The following PCDH7 variants were observed in gnomAD, a reference collection of about 807,000 sequenced individuals.
PCDH7 encodes protocadherin-7.
A neutral mutation model predicts 58.9 loss-of-function variants in PCDH7; 17 were observed. The ratio of observed to expected loss-of-function variants is 0.29; its 90% confidence interval spans 0.20 to 0.43. The LOEUF is 0.43. PCDH7 is among the 20% of genes least tolerant of loss of function. PCDH7 has a pLI of 1.00. For synonymous variants in PCDH7, 664 were observed against 616.4 expected, an observed-to-expected ratio of 1.08 and a Z score of -1.14; for missense variants, 1,274 against 1,441.0, an observed-to-expected ratio of 0.88 and a Z score of 1.88.
At position 30,779,567 on chromosome 4, in the gene PCDH7, A is replaced by G. The variant is rs187556284; in HGVS notation, c.70+54971A>G. ...TATTCAACTTAGAAATTCACGTATTATCAACCAAAGGGATCATATAGAATC... is the reference window on the plus strand; with the variant it reads ...TATTCAACTTAGAAATTCACGTATTGTCAACCAAAGGGATCATATAGAATC... On this transcript the variant is annotated intron_variant, in intron 1 of 3. Coordinates refer to the PCDH7 transcript ENST00000509759. Among the ~76,000 whole-genome samples the G allele has an allele frequency of 3.0e-4, 46 of 152,354 alleles. 1 individual carries two copies. The highest frequency in any genetic ancestry group is 2.9e-3 in the Admixed American group (45 of 15,304).
intron 2 of PCDH7, among the ~76,000 whole-genome samples, chr4:30,945,948 C>T (rs1023187175): frequency 2.0e-5 from 3 of 152,082 alleles, no homozygotes; most frequent in Non-Finnish European, 4.4e-5. Flanking sequence ...TATTAAAATG[C>T]CCTTTTTGAC....
At chr4:30,919,414 A>G (rs1742898425) in intron 1 of PCDH7, among the ~76,000 whole-genome samples, 1 of 152,172 alleles carries the variant, frequency 6.6e-6, no homozygotes, top group South Asian at 2.1e-4. Context: ...GGATAGTTTC[A>G]TAAAATTTTT....
chr4:31,112,363 T>C (rs995142087), intron 3 of PCDH7, among the ~76,000 whole-genome samples: 1 of 152,188 alleles, frequency 6.6e-6, no homozygotes, highest in African/African-American at 2.4e-5. Flanking sequence ...ATTCATTCAG[T>C]GGAGGTAGGA....
Position 30,995,169 on chromosome 4 carries a change from C to A in PCDH7, c.*7+44954C>A, listed in dbSNP as rs1378839060. ...ATGTGGGATTTACATTATATTTCTT[C>A]TATTGGTCGACATTGGTGCTGACAG... On this transcript the variant is annotated intron_variant, in intron 3 of 3. Transcript: ENST00000509759. Among the ~76,000 whole-genome samples, 8 of 152,178 alleles carry A rather than the reference C, an allele frequency of 5.3e-5. No homozygotes were observed. The East Asian group carries it at 1.4e-3, about 26-fold the overall frequency.
At chr4:30,775,726 A>G (rs1156581390) in intron 1 of PCDH7, among the ~76,000 whole-genome samples, 21 of 152,028 alleles carry the variant, frequency 1.4e-4, no homozygotes, top group Non-Finnish European at 8.8e-5. Flanking sequence ...GTGAAACCCC[A>G]TCTCTACTAA....
At chr4:31,127,506 T>G (rs1472214947) in intron 3 of PCDH7, among the ~76,000 whole-genome samples, 2 of 152,176 alleles carry the variant, frequency 1.3e-5, no homozygotes, top group Non-Finnish European at 2.9e-5. Flanking sequence ...TTAAAGGGTC[T>G]GTTGCCATTT....
At chr4:31,060,055 T>G (rs1489076353) in intron 3 of PCDH7, among the ~76,000 whole-genome samples, 1 of 151,598 alleles carries the variant, frequency 6.6e-6, no homozygotes, top group African/African-American at 2.4e-5. Flanking sequence ...AAATGTAGAG[T>G]GTGCTGATTT....
intron 1 of PCDH7, among the ~76,000 whole-genome samples, chr4:30,811,405 G>C (rs9291551): frequency 2.6e-5 from 4 of 152,080 alleles, no homozygotes; most frequent in Non-Finnish European, 5.9e-5. Flanking sequence ...ATAAAAAAAA[G>C]GATGACAGTT....
chr4:30,960,161 G>A (rs1342668513), intron 3 of PCDH7, among the ~76,000 whole-genome samples: 1 of 139,582 alleles, frequency 7.2e-6, no homozygotes, highest in Non-Finnish European at 1.5e-5. Flanking sequence ...AAGGGAGGGA[G>A]GGAGGGAGGG....
Position 30,722,436 on chromosome 4 carries a change from G to C in PCDH7, c.1014G>C (p.Gly338=). Residue 338 remains glycine (G), a synonymous_variant, in exon 1 of 2, where the codon GGG becomes GGC. Transcript: ENST00000361762. This position sits in a 1 kb window ranked among gnomAD's most constrained non-coding sequence, Gnocchi z 7.6. The stretch of plus-strand genomic sequence containing the variant: ...TGCGCGCAGCCGACTTGGACGTGGG[G>C]GTCAACGGGCAGATCGAATACGTGT... 6.2e-7 allele frequency: 1 copy of C among 1,612,384 alleles called. No homozygotes were observed. Among genetic ancestry groups the C allele is most frequent in the Non-Finnish European group, 8.5e-7 (1 of 1,179,820 alleles).
At chr4:31,037,912 G>GGTCT (rs1317159574) in intron 3 of PCDH7, among the ~76,000 whole-genome samples, 1 of 152,240 alleles carries the variant, frequency 6.6e-6, no homozygotes, top group Non-Finnish European at 1.5e-5. Flanking sequence ...GTGACAGATA[G>GGTCT]ATGATGGGTG....
chr4:30,998,824 T>C (rs1219758349), intron 3 of PCDH7, among the ~76,000 whole-genome samples: 1 of 152,016 alleles, frequency 6.6e-6, no homozygotes, highest in East Asian at 1.9e-4. Context: ...TGAGATAAGA[T>C]ATATGAAAGA....
At chr4:30,957,077 C>T (rs554637471) in intron 3 of PCDH7, among the ~76,000 whole-genome samples, 26 of 152,242 alleles carry the variant, frequency 1.7e-4, no homozygotes, top group African/African-American at 6.0e-4. Context: ...AAATCAGCAG[C>T]TGCGTAATAT....
At chr4:31,051,476 G>A (rs989543551) in intron 3 of PCDH7, among the ~76,000 whole-genome samples, 2 of 152,130 alleles carry the variant, frequency 1.3e-5, no homozygotes, top group East Asian at 3.9e-4. Flanking sequence ...CTAGCTTCCA[G>A]CCATAGAATA....
intron 3 of PCDH7, among the ~76,000 whole-genome samples, chr4:31,008,792 A>C (rs1752969021): frequency 6.6e-6 from 1 of 152,140 alleles, no homozygotes; most frequent in Admixed American, 6.6e-5. Context: ...GTTTTAAAAG[A>C]AATCCCTTCA....
At chr4:30,799,552 A>C (rs772415310) in intron 1 of PCDH7, among the ~76,000 whole-genome samples, 7 of 152,178 alleles carry the variant, frequency 4.6e-5, no homozygotes, top group Non-Finnish European at 8.8e-5. Context: ...ATCACATTCA[A>C]TGTACTTTAT....
chr4:30,885,031 T>C (rs564736341), intron 1 of PCDH7: 1 of 152,174 alleles, frequency 6.6e-6, no homozygotes, highest in African/African-American at 2.4e-5. Context: ...TAAGATGAAA[T>C]GGAAGGGGAA....
At chr4:31,028,675 C>T (rs1191712562) in intron 3 of PCDH7, among the ~76,000 whole-genome samples, 1 of 151,090 alleles carries the variant, frequency 6.6e-6, no homozygotes, top group African/African-American at 2.4e-5. Flanking sequence ...AAAAAAAATA[C>T]CCAAACTTTA....
At chr4:30,857,814 C>T (rs1465453869) in intron 1 of PCDH7, among the ~76,000 whole-genome samples, 1 of 152,108 alleles carries the variant, frequency 6.6e-6, no homozygotes, top group Admixed American at 6.6e-5. Flanking sequence ...ATCGTTTCTC[C>T]TTTGTTTATG....
Sources: allele counts gnomAD v4.1 joint callset (sites outside exome capture counted in the v4.1 genomes callset), GRCh38; gene constraint gnomAD v4.1.1; non-coding constraint Gnocchi (gnomAD v3.1); transcripts MANE v1.5; gene names NCBI Gene and HGNC (gene_info 2026-07-23, HGNC 2026-07-21).